The following CDH13 variants were observed in gnomAD, a reference collection of about 807,000 sequenced individuals.
The protein encoded by CDH13 is cadherin-13.
In CDH13, 24 loss-of-function variants were observed where a neutral mutation model predicts 63.8. The ratio of observed to expected loss-of-function variants is 0.38; its 90% CI spans 0.27 to 0.53. The LOEUF is 0.53. CDH13 is among the 20% of genes least tolerant of loss of function. CDH13 has a pLI of 0.85. For missense variants in CDH13, 1,049 were observed against 903.1 expected, an observed-to-expected ratio of 1.16 and a Z score of -2.07; for synonymous variants, 503 against 355.3, an observed-to-expected ratio of 1.42 and a Z score of -4.67.
At position 83,783,334 on chromosome 16, in the gene CDH13, A is replaced by G. The variant is rs1915659827; in HGVS notation, c.1996A>G (p.Lys666Glu). The G allele has an allele frequency of 6.2e-7, 1 of 1,613,992 alleles. No individual in the cohort carries two copies. Among genetic ancestry groups the G allele is most frequent in the Non-Finnish European group, 8.5e-7 (1 of 1,179,860 alleles). ...NLPIMVTDSG[K>E]PPMTNITDLR... ...GCCCATCATGGTGACAGATTCAGGG[A>G]AACCACCCATGACGAATATCACAGA... Residue 666 changes from lysine to glutamate, a missense_variant, in exon 13 of 14, where the codon AAA becomes GAA. Physicochemically the swap from Lys to Glu is moderately conservative, Grantham distance 56. Coordinates refer to ENST00000567109, the MANE Select transcript of CDH13 (RefSeq NM_001257.5).
intron 4 of CDH13, among the ~76,000 whole-genome samples, chr16:83,146,106 A>G (rs1285655356): frequency 6.6e-6 from 1 of 151,134 alleles, no homozygotes; most frequent in African/African-American, 2.4e-5. Flanking sequence ...GGGCAGGAGA[A>G]TCGCTTGAAC....
chr16:82,870,851 C>T (rs550895022), intron 2 of CDH13, among the ~76,000 whole-genome samples: 5 of 152,166 alleles, frequency 3.3e-5, no homozygotes, highest in African/African-American at 1.2e-4. Flanking sequence ...TATAATGGTC[C>T]CTGAAATATT....
intron 1 of CDH13, among the ~76,000 whole-genome samples, chr16:82,636,804 A>G (rs774663306): frequency 1.3e-5 from 2 of 152,182 alleles, no homozygotes; most frequent in Admixed American, 1.3e-4. Context: ...GCTCTTGCCA[A>G]TTTCTGTGAT....
At chr16:83,072,856 G>A (rs1396194254) in intron 3 of CDH13, among the ~76,000 whole-genome samples, 9 of 152,160 alleles carry the variant, frequency 5.9e-5, no homozygotes, top group African/African-American at 2.2e-4. Context: ...TACATTGGAG[G>A]AAAGTTGTAG....
At position 83,344,869 on chromosome 16, in the gene CDH13, T is replaced by C. The variant is rs1567606357; in HGVS notation, c.644T>C (p.Val215Ala). 2 of 1,613,786 alleles carry C rather than the reference T, an allele frequency of 1.2e-6. No individual in the cohort carries two copies. Among genetic ancestry groups the C allele is most frequent in the African/African-American group, 2.7e-5 (2 of 75,038 alleles). The change falls in exon 6 of 14, where the codon GTG (valine) becomes GCG (alanine). Residue 215 changes from valine to alanine, a missense_variant. Val to Ala is a moderately conservative substitution (Grantham distance 64). Transcript: ENST00000567109. ...ATCTCTTTGCTCAAATAGCTATTTGTGGAGACCACTGATGTCAATGGCAAA... is the reference window on the plus strand; with the variant it reads ...ATCTCTTTGCTCAAATAGCTATTTGCGGAGACCACTGATGTCAATGGCAAA... The part of the protein sequence containing the change: ...REVIAVYQLF[V>A]ETTDVNGKTL...
At chr16:83,726,174 T>G (rs1910360714) in intron 10 of CDH13, 1 of 152,244 alleles carries the variant, frequency 6.6e-6, no homozygotes, top group South Asian at 2.1e-4. Context: ...GAATAACAAT[T>G]GCTTTTGGAA....
chr16:83,153,999 A>G (rs548168972), intron 4 of CDH13, among the ~76,000 whole-genome samples: 50 of 152,308 alleles, frequency 3.3e-4, no homozygotes, highest in African/African-American at 1.2e-3. Flanking sequence ...TTTTTCAAAA[A>G]TACGTATTCC....
intron 6 of CDH13, among the ~76,000 whole-genome samples, chr16:83,478,546 C>T (rs913316118): frequency 6.6e-6 from 1 of 152,140 alleles, no homozygotes; most frequent in African/African-American, 2.4e-5. Flanking sequence ...TGGGAGGGGT[C>T]CTTGTGCTGG....
At chr16:83,359,357 A>G (rs2091117798) in intron 6 of CDH13, among the ~76,000 whole-genome samples, 2 of 152,200 alleles carry the variant, frequency 1.3e-5, no homozygotes, top group South Asian at 4.1e-4. Context: ...GCAAGTAGAT[A>G]TCAGGCTTTG....
At chr16:83,615,078 A>G (rs765433754) in intron 8 of CDH13, among the ~76,000 whole-genome samples, 1 of 152,190 alleles carries the variant, frequency 6.6e-6, no homozygotes, top group African/African-American at 2.4e-5. Flanking sequence ...GACTCCAGCT[A>G]TGAAGTTAGA....
intron 6 of CDH13, among the ~76,000 whole-genome samples, chr16:83,476,338 A>G (rs2073603923): frequency 6.6e-6 from 1 of 152,226 alleles, no homozygotes; most frequent in African/African-American, 2.4e-5. Flanking sequence ...CCCCTCATTG[A>G]AAACCACTGC....
At chr16:82,650,560 C>T (rs74030928) in intron 1 of CDH13, among the ~76,000 whole-genome samples, 4,913 of 152,238 alleles carry the variant, frequency 0.032, 246 homozygotes, top group African/African-American at 0.11. Context: ...TCTATTTGGG[C>T]TCAGGGTTTG....
At chr16:83,367,908 C>T (rs1388965441) in intron 6 of CDH13, among the ~76,000 whole-genome samples, 1 of 152,164 alleles carries the variant, frequency 6.6e-6, no homozygotes, top group Non-Finnish European at 1.5e-5. Flanking sequence ...TGAGTCTTCC[C>T]ATCCATGAAT....
At chr16:82,935,509 C>G (rs2042639999) in intron 2 of CDH13, among the ~76,000 whole-genome samples, 2 of 152,106 alleles carry the variant, frequency 1.3e-5, no homozygotes, top group Admixed American at 6.6e-5. Context: ...CAGCTGGTTT[C>G]CAACGTGTTT....
chr16:83,459,601 G>A (rs962713197), intron 6 of CDH13, among the ~76,000 whole-genome samples: 2 of 152,196 alleles, frequency 1.3e-5, no homozygotes, highest in African/African-American at 4.8e-5. Flanking sequence ...AGAGCCATAG[G>A]AAAATGGCTG....
intron 3 of CDH13, among the ~76,000 whole-genome samples, chr16:83,041,333 T>C (rs1034555202): frequency 7.9e-5 from 12 of 152,092 alleles, no homozygotes; most frequent in African/African-American, 2.2e-4. Flanking sequence ...GTTGCAAACA[T>C]GCAATTTAAA....
intron 3 of CDH13, among the ~76,000 whole-genome samples, chr16:83,105,481 T>G (rs201292050): frequency 1.3e-5 from 2 of 152,168 alleles, no homozygotes; most frequent in East Asian, 3.9e-4. Context: ...AGGAGAACAG[T>G]GTCCCTTCCA....
intron 2 of CDH13, among the ~76,000 whole-genome samples, chr16:82,960,801 G>A (rs994679718): frequency 5.3e-5 from 8 of 151,956 alleles, no homozygotes; most frequent in African/African-American, 1.9e-4. Flanking sequence ...TAGCAAGGTC[G>A]TAATTTTTTT....
intron 2 of CDH13, among the ~76,000 whole-genome samples, chr16:82,973,499 G>A (rs762934484): frequency 2.6e-5 from 4 of 152,154 alleles, no homozygotes; most frequent in South Asian, 4.1e-4. Flanking sequence ...GGCAGGCATT[G>A]TGCTGCTCTT....
Sources: gnomAD v4.1 joint callset for allele counts (sites outside exome capture counted in the v4.1 genomes callset) on GRCh38, gnomAD v4.1.1 for gene constraint, MANE v1.5 for transcripts, NCBI Gene and HGNC (gene_info 2026-07-23, HGNC 2026-07-21) for gene names.